Variants in L3MBTL3 observed in about 807,000 individuals in gnomAD.
L3MBTL3 encodes the protein L3MBTL histone methyl-lysine binding protein 3, also known as lethal(3)malignant brain tumor-like protein 3.
L3MBTL3 carries 27 observed loss-of-function variants against 102.3 expected under a neutral mutation model. That is an observed-to-expected ratio of 0.26 (90% CI 0.19 to 0.36). L3MBTL3 has a LOEUF of 0.36. L3MBTL3 is among the 10% of genes least tolerant of loss of function. The probability of loss-of-function intolerance (pLI) is 1.00; values close to 1 mark genes in which losing one functional copy is unlikely to be tolerated. For missense variants in L3MBTL3, 798 were observed against 955.3 expected, an observed-to-expected ratio of 0.84 and a Z score of 2.17; for synonymous variants, 340 against 320.9, an observed-to-expected ratio of 1.06 and a Z score of -0.64.
intron 19 of L3MBTL3, among the ~76,000 whole-genome samples, chr6:130,108,252 T>TTTTTTG: frequency 2.7e-5 from 4 of 146,828 alleles, no homozygotes; most frequent in Admixed American, 2.0e-4. Context: ...TTTTTTTTTT[T>TTTTTTG]TAGATGGAGT....
intron 20 of L3MBTL3, among the ~76,000 whole-genome samples, chr6:130,127,971 AC>A (rs561530717): frequency 7.2e-5 from 11 of 152,306 alleles, no homozygotes; most frequent in Non-Finnish European, 1.3e-4. Flanking sequence ...GTGGGGACCT[AC>A]TTTTTTAGAC....
chr6:130,137,058 A>G (rs1198225172), intron 22 of L3MBTL3, among the ~76,000 whole-genome samples: 1 of 152,244 alleles, frequency 6.6e-6, no homozygotes, highest in Non-Finnish European at 1.5e-5. Context: ...ATTCCCTGCT[A>G]TATGTCTAAG....
At chr6:130,093,134 A>G (rs1304980243) in intron 17 of L3MBTL3, among the ~76,000 whole-genome samples, 3 of 152,184 alleles carry the variant, frequency 2.0e-5, no homozygotes, top group Admixed American at 2.0e-4. Flanking sequence ...TTGGAAGACA[A>G]TTTGTGAGAC....
chr6:130,045,270 C>A (rs1041587425), intron 3 of L3MBTL3, among the ~76,000 whole-genome samples: 3 of 152,068 alleles, frequency 2.0e-5, no homozygotes, highest in Non-Finnish European at 4.4e-5. Flanking sequence ...TGTTTTCTCC[C>A]CAGCCCAAAC....
intron 22 of L3MBTL3, among the ~76,000 whole-genome samples, chr6:130,134,711 C>G (rs1017322739): frequency 1.3e-5 from 2 of 152,182 alleles, no homozygotes; most frequent in Admixed American, 6.5e-5. Context: ...TCAGAAGGTG[C>G]TCTCCAACAT....
At chr6:130,112,183 G>C (rs1391253900) in intron 19 of L3MBTL3, among the ~76,000 whole-genome samples, 1 of 152,164 alleles carries the variant, frequency 6.6e-6, no homozygotes, top group Non-Finnish European at 1.5e-5. Flanking sequence ...TGACGTTCTT[G>C]GGTAAACACC....
At chr6:130,124,005 GCAA>G (rs1445939350) in intron 20 of L3MBTL3, among the ~76,000 whole-genome samples, 1 of 152,162 alleles carries the variant, frequency 6.6e-6, no homozygotes, top group East Asian at 1.9e-4. Flanking sequence ...ATTCTTGGGA[GCAA>G]CAACAGTGAG....
At position 130,120,940 on chromosome 6, in the gene L3MBTL3, A is replaced by G; in HGVS notation, c.1948A>G (p.Thr650Ala). The part of the protein sequence containing the change: ...FEERTESEMR[T>A]SHEARGAREE... Reference sequence around the variant, plus strand: ...AGAGAGAACAGAAAGTGAAATGAGAACATCACATGAAGCCAGAGGTAGCCA... The same window carrying G: ...AGAGAGAACAGAAAGTGAAATGAGAGCATCACATGAAGCCAGAGGTAGCCA... Residue 650 changes from threonine (T) to alanine (A), a missense_variant, in exon 20 of 23, where the codon ACA becomes GCA. By Grantham distance (58) the Thr-to-Ala change is moderately conservative. Transcript: ENST00000361794. 6.2e-7 allele frequency: 1 copy of G among 1,611,572 alleles called. No homozygotes were observed.
chr6:130,051,273 C>A lies in L3MBTL3; in HGVS notation c.314C>A (p.Pro105His), dbSNP rs1781075539. The A allele has an allele frequency of 6.2e-7, 1 of 1,613,562 alleles. No homozygotes were observed. The highest frequency in any genetic ancestry group is 1.3e-5 in the African/African-American group (1 of 74,916). ...GTCTTTTCAGAGAAGACTGGGATGC[C>A]TTTCAGGTTGAAGGATCCAGTGAAA... ...PTVFSEKTGM[P>H]FRLKDPVKVE... The change falls in exon 6 of 23, where the codon CCT (proline) becomes CAT (histidine). Residue 105 changes from proline (P) to histidine (H), a missense_variant. Pro to His is a moderately conservative substitution (Grantham distance 77). Transcript: ENST00000361794.
intron 19 of L3MBTL3, among the ~76,000 whole-genome samples, chr6:130,114,408 C>T (rs944639123): frequency 3.3e-5 from 5 of 152,314 alleles, no homozygotes; most frequent in African/African-American, 1.2e-4. Flanking sequence ...GACATCTGTT[C>T]TCTTTTCCAC....
intron 8 of L3MBTL3, among the ~76,000 whole-genome samples, 181 bp from the exon 9 acceptor site, chr6:130,057,225 C>T (rs1473248077): frequency 6.6e-6 from 1 of 152,150 alleles, no homozygotes; most frequent in African/African-American, 2.4e-5. Flanking sequence ...AGGTGCAAAC[C>T]ACAGTTCACT....
At chr6:130,139,421 G>C (rs538941557) in intron 22 of L3MBTL3, among the ~76,000 whole-genome samples, 189 bp from the exon 23 acceptor site, 38 of 152,292 alleles carry the variant, frequency 2.5e-4, no homozygotes, top group African/African-American at 9.1e-4. Flanking sequence ...TTTGTTCCCA[G>C]TCCACTTTGG....
intron 15 of L3MBTL3, among the ~76,000 whole-genome samples, chr6:130,084,419 C>G (rs1178666717): frequency 6.6e-6 from 1 of 151,878 alleles, no homozygotes; most frequent in Non-Finnish European, 1.5e-5. Flanking sequence ...TTAAGACATC[C>G]TTTTATGTAT....
At chr6:130,097,125 T>G (rs1383921790) in intron 18 of L3MBTL3, among the ~76,000 whole-genome samples, 2 of 152,218 alleles carry the variant, frequency 1.3e-5, no homozygotes, top group Non-Finnish European at 2.9e-5. Flanking sequence ...TGCTGTCCTA[T>G]TTACAGCACT....
intron 2 of L3MBTL3, among the ~76,000 whole-genome samples, chr6:130,041,448 A>G (rs1186655886): frequency 1.3e-5 from 2 of 152,220 alleles, no homozygotes; most frequent in Non-Finnish European, 2.9e-5. Flanking sequence ...TGGTTACTCT[A>G]ACATACAGAT....
chr6:130,047,127 T>C (rs972061668), intron 3 of L3MBTL3, among the ~76,000 whole-genome samples: 5 of 152,318 alleles, frequency 3.3e-5, no homozygotes, highest in Non-Finnish European at 5.9e-5. Flanking sequence ...AGGCTTATAG[T>C]ATGCCTTGAA....
At chr6:130,029,205 C>G (rs944266357) in intron 2 of L3MBTL3, among the ~76,000 whole-genome samples, 2 of 152,184 alleles carry the variant, frequency 1.3e-5, no homozygotes, top group East Asian at 3.9e-4. Flanking sequence ...CCACTTATGT[C>G]CTGGTCCTGG....
At chr6:130,031,843 A>T (rs1779742087) in intron 2 of L3MBTL3, among the ~76,000 whole-genome samples, 1 of 152,030 alleles carries the variant, frequency 6.6e-6, no homozygotes, top group South Asian at 2.1e-4. Flanking sequence ...AATAAATATT[A>T]CTATTATAGT....
intron 11 of L3MBTL3, 89 bp downstream of exon 11, chr6:130,066,577 A>G: frequency 8.4e-7 from 1 of 1,183,726 alleles, no homozygotes. Flanking sequence ...TTCAGACTTT[A>G]TGAAAATTCA....
Sources: allele counts gnomAD v4.1 joint callset (sites outside exome capture counted in the v4.1 genomes callset), GRCh38; gene constraint gnomAD v4.1.1; transcripts MANE v1.5; gene names NCBI Gene and HGNC (gene_info 2026-07-23, HGNC 2026-07-21).